Variants in SAMD3 observed in about 807,000 individuals in gnomAD.
SAMD3 encodes the protein sterile alpha motif domain-containing protein 3.
A neutral mutation model predicts 58.5 loss-of-function variants in SAMD3; 63 were observed. That is an observed-to-expected ratio of 1.08 (90% CI 0.88 to 1.33). The LOEUF (loss-of-function observed/expected upper bound fraction) is 1.33, where lower values mean the gene tolerates loss of function less well. SAMD3 is among the 40% of genes most tolerant of loss of function. SAMD3 has a pLI of 0.00. For synonymous variants in SAMD3, 220 were observed against 210.3 expected (o/e 1.05, Z -0.40); for missense variants, 604 against 608.4 (o/e 0.99, Z 0.08).
At chr6:130,168,763 CAA>C (rs2114642577) in intron 8 of SAMD3, among the ~76,000 whole-genome samples, 1 of 152,222 alleles carries the variant, frequency 6.6e-6, no homozygotes. Flanking sequence ...GAGAGTTACC[CAA>C]GTGTGTCTTA....
intron 1 of SAMD3, among the ~76,000 whole-genome samples, chr6:130,350,606 A>G (rs1231060238): frequency 6.6e-6 from 1 of 152,248 alleles, no homozygotes; most frequent in South Asian, 2.1e-4. Flanking sequence ...TTCCACGCTC[A>G]TGGGTAGGAA....
At chr6:130,278,010 G>A (rs546051274) in intron 2 of SAMD3, among the ~76,000 whole-genome samples, 22 of 152,230 alleles carry the variant, frequency 1.4e-4, no homozygotes, top group African/African-American at 5.1e-4. Flanking sequence ...TATAGTTTAG[G>A]GGCCATGCAG....
intron 2 of SAMD3, among the ~76,000 whole-genome samples, chr6:130,285,862 G>A (rs1775137263): frequency 6.6e-6 from 1 of 152,130 alleles, no homozygotes. Context: ...GTTTAGGAGA[G>A]AGAAATTTAC....
At chr6:130,153,204 C>A (rs1789385127) in intron 9 of SAMD3, among the ~76,000 whole-genome samples, 1 of 152,116 alleles carries the variant, frequency 6.6e-6, no homozygotes, top group Admixed American at 6.5e-5. Flanking sequence ...CTGTATTTTG[C>A]AGATGTGTCC....
intron 3 of SAMD3, among the ~76,000 whole-genome samples, chr6:130,214,829 A>G (rs1282468044): frequency 6.6e-6 from 1 of 152,218 alleles, no homozygotes; most frequent in African/African-American, 2.4e-5. Flanking sequence ...AAAACTTAGG[A>G]AATTATTCTT....
At chr6:130,154,777 T>C (rs979924405) in intron 9 of SAMD3, 48 bp downstream of exon 9, 2 of 883,476 alleles carry the variant, frequency 2.3e-6, no homozygotes, top group Non-Finnish European at 3.5e-6. Context: ...TGTGTGTGTG[T>C]GTATATACAT....
In SAMD3 at chr6:130,176,235, A is replaced by G. The variant is rs535715520; in HGVS notation, c.655-227T>C. 12 of 570,508 alleles carry G rather than the reference A, an allele frequency of 2.1e-5. No homozygotes were observed. In the South Asian group the frequency reaches 2.3e-4, roughly 11 times the overall value. 35.3% of individuals were successfully genotyped at this position (570,508 alleles called of 1,614,324 possible). A position where few individuals can be genotyped will look rare whatever the true frequency, so the allele number is the denominator to read the frequency against. ...AAGTTATAGGTAAGCAGACAAAGTC[A>G]CAGAAATATAAATCTTTTCCCAATG... is the stretch of plus-strand genomic sequence containing the variant. On this transcript the variant is annotated intron_variant, in intron 7 of 11. Coordinates refer to ENST00000439090, the MANE Select transcript of SAMD3 (RefSeq NM_001017373.4).
chr6:130,315,912 GA>G (rs1431698644), intron 1 of SAMD3, among the ~76,000 whole-genome samples: 2 of 152,174 alleles, frequency 1.3e-5, no homozygotes, highest in Non-Finnish European at 2.9e-5. Flanking sequence ...AAGGGCATGT[GA>G]AAGTGTGTAT....
intron 2 of SAMD3, among the ~76,000 whole-genome samples, chr6:130,241,990 C>G (rs1041841496): frequency 6.6e-6 from 1 of 152,034 alleles, no homozygotes; most frequent in African/African-American, 2.4e-5. Context: ...TTTTCAGGAT[C>G]AAATCCATTC....
chr6:130,249,958 G>A (rs1011401714), intron 2 of SAMD3, among the ~76,000 whole-genome samples: 7 of 152,160 alleles, frequency 4.6e-5, no homozygotes. Flanking sequence ...ACAACCTAAA[G>A]GAGGGCTCCC....
chr6:130,175,787 TAATC>T, intron 8 of SAMD3, 50 bp downstream of exon 8: 1 of 1,133,752 alleles, frequency 8.8e-7, no homozygotes, highest in Non-Finnish European at 1.3e-6. Flanking sequence ...TATTATCCCT[TAATC>T]AATATATCAA....
chr6:130,354,542 A>G (rs1453234409), intron 1 of SAMD3, among the ~76,000 whole-genome samples: 1 of 152,224 alleles, frequency 6.6e-6, no homozygotes, highest in Non-Finnish European at 1.5e-5. Flanking sequence ...ATGGGGCAGG[A>G]GGCCATCATC....
intron 8 of SAMD3, among the ~76,000 whole-genome samples, chr6:130,167,059 C>G (rs971032997): frequency 6.6e-6 from 1 of 152,048 alleles, no homozygotes. Context: ...ACGGTGTTCT[C>G]TGTGGCGCAA....
At chr6:130,203,531 G>A (rs1794824384) in intron 5 of SAMD3, among the ~76,000 whole-genome samples, 1 of 152,156 alleles carries the variant, frequency 6.6e-6, no homozygotes, top group Non-Finnish European at 1.5e-5. Context: ...ATCACCATGA[G>A]TGACAATGGA....
chr6:130,225,893 C>T (rs932078626), upstream of SAMD3, among the ~76,000 whole-genome samples: 3 of 152,166 alleles, frequency 2.0e-5, no homozygotes, highest in African/African-American at 4.8e-5. Context: ...TAAGGAGAGA[C>T]GCCTAAGGAA....
intron 2 of SAMD3, among the ~76,000 whole-genome samples, chr6:130,301,927 C>T (rs1302005039): frequency 6.6e-6 from 1 of 152,140 alleles, no homozygotes; most frequent in African/African-American, 2.4e-5. Context: ...CCCCACCTCT[C>T]ACCATATAAA....
At chr6:130,264,369 G>T (rs1583024256) in intron 2 of SAMD3, among the ~76,000 whole-genome samples, 1 of 152,298 alleles carries the variant, frequency 6.6e-6, no homozygotes. Flanking sequence ...AGACCTGAAG[G>T]GATGTGATGA....
chr6:130,344,362 T>C (rs1048677694), intron 1 of SAMD3, among the ~76,000 whole-genome samples: 1 of 152,184 alleles, frequency 6.6e-6, no homozygotes, highest in African/African-American at 2.4e-5. Flanking sequence ...CTTCTGGAGA[T>C]ACTTGTTTCT....
chr6:130,239,374 T>C (rs986116589), intron 2 of SAMD3, among the ~76,000 whole-genome samples: 3 of 152,166 alleles, frequency 2.0e-5, no homozygotes, highest in Non-Finnish European at 4.4e-5. Flanking sequence ...TGTAGGTATA[T>C]TGAGGCACTT....
Sources: gnomAD v4.1 joint callset for allele counts (sites outside exome capture counted in the v4.1 genomes callset) on GRCh38, gnomAD v4.1.1 for gene constraint, MANE v1.5 for transcripts, NCBI Gene and HGNC (gene_info 2026-07-23, HGNC 2026-07-21) for gene names.